CACNA2D1: variants seen among roughly 807,000 people sequenced by gnomAD.
CACNA2D1 encodes the protein calcium voltage-gated channel auxiliary subunit alpha2delta 1, also known as voltage-dependent calcium channel subunit alpha-2/delta-1.
In CACNA2D1, 53 loss-of-function variants were observed where a neutral mutation model predicts 171.5. The observed-to-expected ratio is 0.31, with a 90% CI of 0.25 to 0.39. CACNA2D1 has a LOEUF of 0.39. CACNA2D1 is among the 10% of genes least tolerant of loss of function. The pLI is 1.00. For missense variants in CACNA2D1, 903 were observed against 1,299.8 expected, an observed-to-expected ratio of 0.69 and a Z score of 4.69; for synonymous variants, 442 against 443.1, an observed-to-expected ratio of 1.00 and a Z score of 0.03.
intron 1 of CACNA2D1, among the ~76,000 whole-genome samples, chr7:82,389,284 GT>G (rs1336339422): frequency 2.0e-5 from 3 of 150,972 alleles, no homozygotes; most frequent in Non-Finnish European, 3.0e-5. Flanking sequence ...TTAATAGCCA[GT>G]TTTTTTTATA....
intron 24 of CACNA2D1, among the ~76,000 whole-genome samples, chr7:81,977,253 A>G (rs1173977879): frequency 6.6e-6 from 1 of 152,134 alleles, no homozygotes; most frequent in Non-Finnish European, 1.5e-5. Flanking sequence ...ATGAGTTTTT[A>G]GCATGAAGGG....
At position 81,961,711 on chromosome 7, in the gene CACNA2D1, T is replaced by C. The variant is rs11979649; in HGVS notation, c.2966+183A>G. 0.43 allele frequency among the ~76,000 whole-genome samples: 65,771 copies of C among 151,618 alleles called. 14,527 individuals carry two copies. The highest frequency in any genetic ancestry group is 0.52 in the East Asian group (2,665 of 5,124). On this transcript the variant is annotated intron_variant, in intron 36 of 38. Coordinates refer to ENST00000356860, the MANE Select transcript of CACNA2D1 (RefSeq NM_000722.4). ...TTTTAAAAATTACAAATTTTAAAAG[T>C]CTACAGAGAAACTAAAGATTGCTGA...
At chr7:82,400,049 C>A (rs1303698172) in intron 1 of CACNA2D1, among the ~76,000 whole-genome samples, 1 of 151,294 alleles carries the variant, frequency 6.6e-6, no homozygotes, top group Non-Finnish European at 1.5e-5. Context: ...CTGTTCTGTT[C>A]CATTGATCTA....
intron 3 of CACNA2D1, among the ~76,000 whole-genome samples, chr7:82,183,576 A>G (rs567820350): frequency 6.6e-6 from 1 of 152,312 alleles, no homozygotes; most frequent in Admixed American, 6.5e-5. Flanking sequence ...TTCTTCTTCT[A>G]TAAAATGGAG....
At chr7:82,218,028 G>A (rs561064011) in intron 3 of CACNA2D1, among the ~76,000 whole-genome samples, 13 of 151,768 alleles carry the variant, frequency 8.6e-5, no homozygotes, top group Non-Finnish European at 1.6e-4. Context: ...TCCGCCTCCC[G>A]GGTTCATGCC....
At chr7:82,128,713 T>A (rs1790623566) in intron 5 of CACNA2D1, among the ~76,000 whole-genome samples, 1 of 152,138 alleles carries the variant, frequency 6.6e-6, no homozygotes. Context: ...AATTCCAAAT[T>A]TTGTCCTGAT....
intron 1 of CACNA2D1, among the ~76,000 whole-genome samples, chr7:82,359,999 G>C (rs755419448): frequency 2.6e-5 from 4 of 152,198 alleles, no homozygotes; most frequent in Non-Finnish European, 5.9e-5. Flanking sequence ...CTGAGGCATA[G>C]AGCGGTTAAG....
chr7:82,230,965 A>T (rs576419074), intron 3 of CACNA2D1, among the ~76,000 whole-genome samples: 1 of 152,330 alleles, frequency 6.6e-6, no homozygotes, highest in African/African-American at 2.4e-5. Context: ...TCACATCTGT[A>T]CCTCTGATAC....
chr7:82,108,156 T>C (rs1260532234), intron 6 of CACNA2D1, among the ~76,000 whole-genome samples: 1 of 152,192 alleles, frequency 6.6e-6, no homozygotes, highest in Non-Finnish European at 1.5e-5. Context: ...GAAAAAGTGA[T>C]TATGTGAATT....
At position 81,995,570 on chromosome 7, in the gene CACNA2D1, G is replaced by A. The variant is rs186930658; in HGVS notation, c.1663-631C>T. On this transcript the variant is annotated intron_variant, in intron 19 of 38. Coordinates refer to ENST00000356860, the MANE Select transcript of CACNA2D1 (RefSeq NM_000722.4). Reference sequence around the variant, plus strand: ...TTCCAGCACTTTGGGAGGCCGAGGCGGACAAATTGCCTGAGGTTGAGAGTT... The same window carrying A: ...TTCCAGCACTTTGGGAGGCCGAGGCAGACAAATTGCCTGAGGTTGAGAGTT... 4.5e-3 allele frequency among the ~76,000 whole-genome samples: 682 copies of A among 152,110 alleles called. 6 individuals carry two copies. The highest frequency in any genetic ancestry group is 0.015 in the African/African-American group (638 of 41,494).
intron 3 of CACNA2D1, among the ~76,000 whole-genome samples, chr7:82,194,642 T>G (rs1798676100): frequency 6.6e-6 from 1 of 151,920 alleles, no homozygotes; most frequent in Non-Finnish European, 1.5e-5. Flanking sequence ...TTATATATAT[T>G]ACGATATATT....
chr7:82,324,391 TA>T (rs58332794), intron 3 of CACNA2D1, among the ~76,000 whole-genome samples: 39 of 142,658 alleles, frequency 2.7e-4, no homozygotes, highest in African/African-American at 7.3e-4. Flanking sequence ...GGAGTTGTTT[TA>T]AAAAAAAAAA....
chr7:82,360,083 A>G (rs1820916791), intron 1 of CACNA2D1, among the ~76,000 whole-genome samples: 1 of 152,206 alleles, frequency 6.6e-6, no homozygotes, highest in African/African-American at 2.4e-5. Context: ...GTATAACTCC[A>G]TTAATAAATG....
chr7:82,327,487 T>A (rs1026026469), intron 3 of CACNA2D1, among the ~76,000 whole-genome samples: 1 of 152,242 alleles, frequency 6.6e-6, no homozygotes, highest in African/African-American at 2.4e-5. Context: ...TTCACCATTG[T>A]ATATAAAAGT....
chr7:82,371,495 T>C (rs1395813950), intron 1 of CACNA2D1, among the ~76,000 whole-genome samples: 4 of 152,222 alleles, frequency 2.6e-5, no homozygotes, highest in Non-Finnish European at 4.4e-5. Flanking sequence ...GGGGTTGCAC[T>C]ACAAAGTCTA....
intron 3 of CACNA2D1, among the ~76,000 whole-genome samples, chr7:82,261,570 C>T (rs776698868): frequency 3.3e-5 from 5 of 152,142 alleles, no homozygotes; most frequent in Non-Finnish European, 5.9e-5. Context: ...AAGGCAGTCA[C>T]TTCACCTAGA....
At chr7:82,089,875 C>T (rs1038667660) in intron 6 of CACNA2D1, among the ~76,000 whole-genome samples, 22 of 152,084 alleles carry the variant, frequency 1.4e-4, no homozygotes, top group African/African-American at 4.6e-4. Flanking sequence ...AGTTTGAATA[C>T]ATTTTCTTGA....
At chr7:82,299,825 T>C (rs1017144327) in intron 3 of CACNA2D1, among the ~76,000 whole-genome samples, 7 of 151,986 alleles carry the variant, frequency 4.6e-5, no homozygotes, top group African/African-American at 1.5e-4. Context: ...AATCAGAAAA[T>C]ATTAGAGAGC....
intron 4 of CACNA2D1, among the ~76,000 whole-genome samples, chr7:82,144,277 A>T (rs967374898): frequency 6.6e-6 from 1 of 152,078 alleles, no homozygotes; most frequent in Admixed American, 6.6e-5. Flanking sequence ...TTTTCTTCGA[A>T]TCTGATTTTC....
Sources: allele counts gnomAD v4.1 joint callset (sites outside exome capture counted in the v4.1 genomes callset), GRCh38; gene constraint gnomAD v4.1.1; transcripts MANE v1.5; gene names NCBI Gene and HGNC (gene_info 2026-07-23, HGNC 2026-07-21).